KCND2: variants seen among roughly 807,000 people sequenced by gnomAD.
KCND2 encodes the protein A-type voltage-gated potassium channel KCND2.
In KCND2, 16 loss-of-function variants were observed where a neutral mutation model predicts 54.4. That is an observed-to-expected ratio of 0.29 (90% CI 0.20 to 0.45). KCND2 has a LOEUF of 0.45. Ranked by LOEUF, KCND2 falls within the 20% of genes least tolerant of loss-of-function variation. The pLI is 1.00. For synonymous variants in KCND2, 317 were observed against 310.7 expected (o/e 1.02, Z -0.21); for missense variants, 486 against 824.2 (o/e 0.59, Z 5.02).
At position 120,436,484 on chromosome 7, in the gene KCND2, A is replaced by T. The variant is rs73724204; in HGVS notation, c.1115+160737A>T. ...CAGAGAGAAACCTCTGCATAAGCTCAGGTGTTCAAGTATGCAAGAAACACA... is the reference window on the plus strand; with the variant it reads ...CAGAGAGAAACCTCTGCATAAGCTCTGGTGTTCAAGTATGCAAGAAACACA... On this transcript the variant is annotated intron_variant, in intron 1 of 5. Coordinates refer to ENST00000331113, the MANE Select transcript of KCND2 (RefSeq NM_012281.3). 1.4e-4 allele frequency among the ~76,000 whole-genome samples: 22 copies of T among 152,200 alleles called. 1 individual carries two copies. Among genetic ancestry groups the T allele is most frequent in the South Asian group, 4.1e-4 (2 of 4,836 alleles).
chr7:120,345,967 G>T (rs1406532217), intron 1 of KCND2, among the ~76,000 whole-genome samples: 2 of 152,140 alleles, frequency 1.3e-5, no homozygotes, highest in Non-Finnish European at 2.9e-5. Flanking sequence ...TCCAGCAACA[G>T]AACAGAGTTC....
intron 1 of KCND2, among the ~76,000 whole-genome samples, chr7:120,564,715 CATCTT>C (rs1792275819): frequency 6.6e-6 from 1 of 152,040 alleles, no homozygotes; most frequent in African/African-American, 2.4e-5. Context: ...AAGCGTTAAA[CATCTT>C]ATCTCTAATT....
In KCND2 at chr7:120,741,622, A is replaced by C. The variant is rs1336271978; in HGVS notation, c.1367A>C (p.Gln456Pro). ...QSKRNGLLSN[Q>P]LQSSEDEQAF... ...AAACGGAATGGTTTACTCAGTAATC[A>C]GCTGCAGGTACAATCAATTACATCT... Residue 456 changes from glutamine (Q) to proline (P), a missense_variant, in exon 3 of 6, where the codon CAG becomes CCG. Gln to Pro is a moderately conservative substitution (Grantham distance 76, BLOSUM62 -1). Coordinates refer to ENST00000331113, the MANE Select transcript of KCND2 (RefSeq NM_012281.3). 3 of 1,606,992 alleles carry C rather than the reference A, an allele frequency of 1.9e-6. No individual in the cohort carries two copies. The highest frequency in any genetic ancestry group is 1.1e-5 in the South Asian group (1 of 90,952).
chr7:120,726,099 A>AT (rs1226420598), intron 1 of KCND2, among the ~76,000 whole-genome samples: 15 of 152,218 alleles, frequency 9.9e-5, no homozygotes, highest in African/African-American at 3.6e-4. Flanking sequence ...ATAACGCAGA[A>AT]TACTTTAAAC....
At position 120,560,792 on chromosome 7, in the gene KCND2, A is replaced by G. The variant is rs1048513305; in HGVS notation, c.1116-172111A>G. Among the ~76,000 whole-genome samples, 3 of 152,148 alleles carry G rather than the reference A, an allele frequency of 2.0e-5. No homozygotes were observed. In the East Asian group the frequency reaches 5.8e-4, roughly 29 times the overall value. ...TGTCTCACATTTTAAGCACTGAGTA[A>G]TTGCTCAAATTTATTGGAATCATAA... On this transcript the variant is annotated intron_variant, in intron 1 of 5. Coordinates refer to ENST00000331113, the MANE Select transcript of KCND2 (RefSeq NM_012281.3).
chr7:120,578,016 C>T (rs1372232278), intron 1 of KCND2, among the ~76,000 whole-genome samples: 2 of 150,360 alleles, frequency 1.3e-5, no homozygotes, highest in Non-Finnish European at 3.0e-5. Context: ...GCCTGAGCAA[C>T]ATGGCAAAAC....
intron 1 of KCND2, among the ~76,000 whole-genome samples, chr7:120,651,751 T>C (rs139624293): frequency 9.2e-4 from 140 of 152,336 alleles, no homozygotes; most frequent in Non-Finnish European, 1.8e-3. Context: ...TTCGGCCATC[T>C]TCCTTTTTCT....
At chr7:120,602,709 A>G (rs1489698043) in intron 1 of KCND2, among the ~76,000 whole-genome samples, 1 of 152,220 alleles carries the variant, frequency 6.6e-6, no homozygotes, top group Non-Finnish European at 1.5e-5. Context: ...AAATCTCTTG[A>G]GGATTGAATG....
At chr7:120,609,443 C>T (rs991842072) in intron 1 of KCND2, among the ~76,000 whole-genome samples, 2 of 152,098 alleles carry the variant, frequency 1.3e-5, no homozygotes, top group Non-Finnish European at 2.9e-5. Context: ...TGCCAGAAAC[C>T]GATCCACTCA....
intron 1 of KCND2, among the ~76,000 whole-genome samples, chr7:120,397,985 GTGTGTGTGTGTATATATATATATATATA>G (rs1563033014): frequency 5.4e-5 from 2 of 36,910 alleles, no homozygotes; most frequent in Non-Finnish European, 1.7e-4. Flanking sequence ...GTGTGTGTGT[GTGTGTGTGTGTATATATATATATATATA>G]TATATATATA....
Position 120,514,456 on chromosome 7 carries a change from G to A in KCND2, c.1116-218447G>A, listed in dbSNP as rs77940270. On this transcript the variant is annotated intron_variant, in intron 1 of 5. Coordinates refer to ENST00000331113, the MANE Select transcript of KCND2 (RefSeq NM_012281.3). The stretch of plus-strand genomic sequence containing the variant: ...AAATACACGTCACACTAAGCCCAGG[G>A]AATTCATATCCAGATCCTTATGGTT... 7.4e-3 allele frequency among the ~76,000 whole-genome samples: 1,119 copies of A among 152,118 alleles called. 7 individuals carry two copies. Among genetic ancestry groups the A allele is most frequent in the Non-Finnish European group, 0.012 (833 of 67,984 alleles).
chr7:120,732,474 A>G (rs575814504), intron 1 of KCND2, among the ~76,000 whole-genome samples: 1 of 152,270 alleles, frequency 6.6e-6, no homozygotes, highest in South Asian at 2.1e-4. Flanking sequence ...AAGGAATGTG[A>G]TGTGCTACTT....
Position 120,743,761 on chromosome 7 carries a change from T to C in KCND2, c.1467+1159T>C, listed in dbSNP as rs1394358227. Among the ~76,000 whole-genome samples, 3 of 152,172 alleles carry C rather than the reference T, an allele frequency of 2.0e-5. No individual in the cohort carries two copies. The South Asian group carries it at 6.2e-4, about 32-fold the overall frequency. On this transcript the variant is annotated intron_variant, in intron 4 of 5. Coordinates refer to ENST00000331113, the MANE Select transcript of KCND2 (RefSeq NM_012281.3). Reference sequence around the variant, plus strand: ...GTGGTCAGAAGAAGAGAGTGTAGCATGGCAAAAGAGGAGCTGAAGGGAAAG... The same window carrying C: ...GTGGTCAGAAGAAGAGAGTGTAGCACGGCAAAAGAGGAGCTGAAGGGAAAG...
intron 1 of KCND2, among the ~76,000 whole-genome samples, chr7:120,473,885 G>T (rs1802496539): frequency 6.6e-6 from 1 of 152,196 alleles, no homozygotes; most frequent in Admixed American, 6.5e-5. Flanking sequence ...TGGCCAGGTA[G>T]TAAGAAGGGA....
intron 1 of KCND2, among the ~76,000 whole-genome samples, chr7:120,713,682 T>G (rs1007076709): frequency 6.6e-6 from 1 of 152,186 alleles, no homozygotes; most frequent in African/African-American, 2.4e-5. Flanking sequence ...AATGATCCTG[T>G]TATCTTTTGC....
chr7:120,582,909 A>G (rs1792536050), intron 1 of KCND2, among the ~76,000 whole-genome samples: 1 of 151,710 alleles, frequency 6.6e-6, no homozygotes, highest in African/African-American at 2.4e-5. Flanking sequence ...AGCTTATGAC[A>G]TTAGTTTCTC....
At chr7:120,691,162 C>T (rs1792264176) in intron 1 of KCND2, among the ~76,000 whole-genome samples, 1 of 152,182 alleles carries the variant, frequency 6.6e-6, no homozygotes, top group African/African-American at 2.4e-5. Flanking sequence ...TGTGGACCAT[C>T]CCAATGACTG....
At chr7:120,564,464 T>C (rs1443496995) in intron 1 of KCND2, among the ~76,000 whole-genome samples, 2 of 152,184 alleles carry the variant, frequency 1.3e-5, no homozygotes, top group African/African-American at 4.8e-5. Context: ...ATAATAAAGA[T>C]GTTACCCAGC....
At chr7:120,292,771 C>G (rs141209816) in intron 1 of KCND2, among the ~76,000 whole-genome samples, 1 of 152,012 alleles carries the variant, frequency 6.6e-6, no homozygotes, top group Non-Finnish European at 1.5e-5. Context: ...TTTTCACATC[C>G]TTTCCAGGGT....
Sources: gnomAD v4.1 joint callset for allele counts (sites outside exome capture counted in the v4.1 genomes callset) on GRCh38, gnomAD v4.1.1 for gene constraint, MANE v1.5 for transcripts, NCBI Gene and HGNC (gene_info 2026-07-23, HGNC 2026-07-21) for gene names.